The following AUTS2 variants were observed in gnomAD, a reference collection of about 807,000 sequenced individuals.
AUTS2 encodes the protein activator of transcription and developmental regulator AUTS2, also known as autism susceptibility gene 2 protein.
AUTS2 carries 17 observed loss-of-function variants against 112.4 expected under a neutral mutation model. The ratio of observed to expected loss-of-function variants is 0.15; its 90% CI spans 0.10 to 0.23. The LOEUF (loss-of-function observed/expected upper bound fraction) is 0.23. Among genes scored for constraint, AUTS2 ranks in the 10% least tolerant of loss-of-function variants. The probability of loss-of-function intolerance (pLI) is 1.00; values close to 1 mark genes in which losing one functional copy is unlikely to be tolerated. For synonymous variants in AUTS2, 751 were observed against 702.7 expected (o/e 1.07, Z -1.09); for missense variants, 1,510 against 1,701.6 (o/e 0.89, Z 1.98).
intron 6 of AUTS2, among the ~76,000 whole-genome samples, chr7:70,727,258 C>G (rs985892932): frequency 1.3e-5 from 2 of 152,190 alleles, no homozygotes; most frequent in African/African-American, 4.8e-5. Context: ...TAATTGTACA[C>G]AAGTGTGTTT....
At chr7:70,609,274 T>G (rs181788934) in intron 5 of AUTS2, among the ~76,000 whole-genome samples, 326 of 152,304 alleles carry the variant, frequency 2.1e-3, no homozygotes, top group Non-Finnish European at 3.6e-3. Context: ...ATAGCTCAAC[T>G]TTTTTAGATT....
chr7:70,031,211 G>T (rs1800763581), intron 2 of AUTS2, among the ~76,000 whole-genome samples: 1 of 152,270 alleles, frequency 6.6e-6, no homozygotes, highest in East Asian at 1.9e-4. Context: ...ACAGTCTATA[G>T]AATTGGATTA....
At chr7:69,870,146 G>A (rs897655000) in intron 1 of AUTS2, among the ~76,000 whole-genome samples, 3 of 151,926 alleles carry the variant, frequency 2.0e-5, no homozygotes, top group African/African-American at 7.2e-5. Context: ...ATGGATAAGA[G>A]TAACTAACTT....
rs571915920 is a variant in AUTS2, at chr7:70,187,266, G to A, written c.660+52695G>A. Reference sequence around the variant, plus strand: ...CACATTTGTTGTAAGAATATTTATGGTGGTGTTTAGGATAAGTTTAAGGAA... The same window carrying A: ...CACATTTGTTGTAAGAATATTTATGATGGTGTTTAGGATAAGTTTAAGGAA... On this transcript the variant is annotated intron_variant, in intron 4 of 18. Coordinates refer to ENST00000342771, the MANE Select transcript of AUTS2 (RefSeq NM_015570.4). Among the ~76,000 whole-genome samples the A allele has an allele frequency of 2.6e-4, 39 of 152,274 alleles. No individual in the cohort carries two copies. The South Asian group carries it at 3.7e-3, about 15-fold the overall frequency.
intron 5 of AUTS2, among the ~76,000 whole-genome samples, chr7:70,616,944 T>C (rs541778112): frequency 5.0e-4 from 76 of 151,876 alleles, no homozygotes; most frequent in African/African-American, 1.8e-3. Context: ...AGACCAGAGG[T>C]GAAGAGAGAA....
At chr7:69,936,971 CT>C (rs974244597) in intron 2 of AUTS2, among the ~76,000 whole-genome samples, 1 of 152,052 alleles carries the variant, frequency 6.6e-6, no homozygotes, top group African/African-American at 2.4e-5. Flanking sequence ...TCTCTCTTCT[CT>C]TTCCCCCTTT....
intron 1 of AUTS2, among the ~76,000 whole-genome samples, chr7:69,768,960 G>A (rs766739545): frequency 2.4e-4 from 37 of 152,170 alleles, no homozygotes; most frequent in South Asian, 2.1e-4. Flanking sequence ...GAAATGCATG[G>A]CAGAGTGTGG....
chr7:69,962,363 T>C (rs1250489403), intron 2 of AUTS2, among the ~76,000 whole-genome samples: 1 of 152,130 alleles, frequency 6.6e-6, no homozygotes. Context: ...ACAGGCATGA[T>C]TTCTGCCTCC....
chr7:70,144,083 T>A (rs1806999262), intron 4 of AUTS2, among the ~76,000 whole-genome samples: 2 of 152,062 alleles, frequency 1.3e-5, no homozygotes, highest in Non-Finnish European at 2.9e-5. Flanking sequence ...GCCCGTGCTG[T>A]GCCATATTTC....
At chr7:70,377,428 T>C (rs535945638) in intron 4 of AUTS2, among the ~76,000 whole-genome samples, 89 of 140,788 alleles carry the variant, frequency 6.3e-4, no homozygotes, top group African/African-American at 2.3e-3. Flanking sequence ...ATGGTTAAAA[T>C]GGTAAACCAT....
intron 2 of AUTS2, among the ~76,000 whole-genome samples, chr7:70,070,465 G>A (rs1241054450): frequency 6.6e-6 from 1 of 151,592 alleles, no homozygotes; most frequent in East Asian, 1.9e-4. Context: ...TGTAATTCCA[G>A]CTGCTCTGGA....
chr7:70,658,163 T>C (rs1348444148), intron 5 of AUTS2, among the ~76,000 whole-genome samples: 1 of 152,232 alleles, frequency 6.6e-6, no homozygotes, highest in Non-Finnish European at 1.5e-5. Context: ...AAGCCTAGTT[T>C]GATAGGTACC....
chr7:69,648,431 T>C (rs1300916261), intron 1 of AUTS2, among the ~76,000 whole-genome samples: 8 of 150,968 alleles, frequency 5.3e-5, no homozygotes, highest in South Asian at 2.1e-4. Context: ...GGAGCAACAA[T>C]GTGTATTAGA....
At chr7:70,071,991 T>TG (rs1481474613) in intron 2 of AUTS2, among the ~76,000 whole-genome samples, 437 of 972 alleles carry the variant, frequency 0.45, 2 homozygotes, top group Middle Eastern at 0.5. Context: ...GTTACTGGCC[T>TG]TGCTGCGGCC....
intron 5 of AUTS2, among the ~76,000 whole-genome samples, chr7:70,485,207 A>G (rs183565267): frequency 6.6e-6 from 1 of 152,328 alleles, no homozygotes; most frequent in African/African-American, 2.4e-5. Flanking sequence ...ACAGTTCACA[A>G]TTGCAAAAAT....
intron 4 of AUTS2, among the ~76,000 whole-genome samples, chr7:70,259,178 A>G (rs926833324): frequency 6.6e-6 from 1 of 152,116 alleles, no homozygotes; most frequent in Non-Finnish European, 1.5e-5. Flanking sequence ...CGAGCATGGT[A>G]TGCATTCTGC....
chr7:69,654,242 A>G (rs1795416166), intron 1 of AUTS2, among the ~76,000 whole-genome samples: 1 of 152,094 alleles, frequency 6.6e-6, no homozygotes, highest in South Asian at 2.1e-4. Flanking sequence ...TTCACTTCCT[A>G]CACCTGCAGC....
At chr7:70,006,486 C>A (rs918206885) in intron 2 of AUTS2, among the ~76,000 whole-genome samples, 1 of 152,134 alleles carries the variant, frequency 6.6e-6, no homozygotes, top group East Asian at 1.9e-4. Context: ...ATGGGCTGCA[C>A]GTTTCTTTTG....
chr7:69,881,289 T>G (rs1322603563), intron 1 of AUTS2, among the ~76,000 whole-genome samples: 1 of 152,126 alleles, frequency 6.6e-6, no homozygotes, highest in Non-Finnish European at 1.5e-5. Context: ...TTTTTCCCCG[T>G]CTTTCCCTGT....
Sources: allele counts gnomAD v4.1 joint callset (sites outside exome capture counted in the v4.1 genomes callset), GRCh38; gene constraint gnomAD v4.1.1; transcripts MANE v1.5; gene names NCBI Gene and HGNC (gene_info 2026-07-23, HGNC 2026-07-21).